Variants in ARSB observed in about 807,000 individuals in gnomAD.
ARSB encodes the protein N-acetylgalactosamine-4-sulfatase.
A neutral mutation model predicts 50.9 loss-of-function variants in ARSB; 41 were observed. The ratio of observed to expected loss-of-function variants is 0.81; its 90% confidence interval spans 0.63 to 1.04. ARSB has a LOEUF of 1.04. ARSB is among the 50% of genes least tolerant of loss of function. ARSB has a pLI of 0.00. For missense variants in ARSB, 672 were observed against 693.3 expected, an observed-to-expected ratio of 0.97 and a Z score of 0.35; for synonymous variants, 269 against 284.8, an observed-to-expected ratio of 0.94 and a Z score of 0.56.
chr5:78,911,570 TCTAAAAAAAAAAAAAA>T (rs1749307943), intron 4 of ARSB, among the ~76,000 whole-genome samples: 1 of 51,838 alleles, frequency 1.9e-5, no homozygotes, highest in East Asian at 6.1e-4. Flanking sequence ...TGAGACTCCC[TCTAAAAAAAAAAAAAA>T]AAAAAAAAAA....
chr5:78,780,568 A>G lies in ARSB; in HGVS notation c.1431T>C (p.Ile477=). The G allele has an allele frequency of 6.2e-7, 1 of 1,614,118 alleles. No homozygotes were observed. The highest frequency in any genetic ancestry group is 8.5e-7 in the Non-Finnish European group (1 of 1,180,002). The change falls in exon 8 of 8, where the codon ATT becomes ATC. Residue 477 remains isoleucine (I), a synonymous_variant. Coordinates refer to ENST00000264914, the MANE Select transcript of ARSB (RefSeq NM_000046.5). ...PPTKTLWLFD[I]DRDPEERHDL... The stretch of plus-strand genomic sequence containing the variant: ...CATGTCTTTCTTCAGGGTCCCGATC[A>G]ATATCAAAGAGCCAGAGGGTCTTGG...
chr5:78,934,155 C>T (rs941089547), intron 4 of ARSB, among the ~76,000 whole-genome samples: 5 of 152,170 alleles, frequency 3.3e-5, no homozygotes, highest in African/African-American at 1.2e-4. Flanking sequence ...TAGCCCAATG[C>T]TTACTTTAAT....
At chr5:78,839,598 G>A (rs1377250040) in intron 5 of ARSB, among the ~76,000 whole-genome samples, 172 bp from the exon 6 acceptor site, 3 of 152,150 alleles carry the variant, frequency 2.0e-5, no homozygotes, top group South Asian at 2.1e-4. Context: ...AGCAGTCATC[G>A]TTTGTTTACA....
At chr5:78,814,543 T>C (rs1743922318) in intron 6 of ARSB, among the ~76,000 whole-genome samples, 1 of 150,908 alleles carries the variant, frequency 6.6e-6, no homozygotes, top group South Asian at 2.1e-4. Context: ...ACTCTTTTTT[T>C]TGAAGTCTTC....
At chr5:78,922,660 T>C (rs867707934) in intron 4 of ARSB, among the ~76,000 whole-genome samples, 16 of 150,544 alleles carry the variant, frequency 1.1e-4, no homozygotes, top group Non-Finnish European at 2.1e-4. Flanking sequence ...GTCTTCTGCT[T>C]GAGAAAAGGA....
At chr5:78,904,580 A>G (rs1580032413) in intron 4 of ARSB, among the ~76,000 whole-genome samples, 1 of 151,892 alleles carries the variant, frequency 6.6e-6, no homozygotes, top group Admixed American at 6.5e-5. Flanking sequence ...CTCTAATGAC[A>G]TAAATGCTAG....
At chr5:78,811,633 C>T (rs987910012) in intron 6 of ARSB, among the ~76,000 whole-genome samples, 5 of 152,168 alleles carry the variant, frequency 3.3e-5, no homozygotes, top group Admixed American at 1.3e-4. Context: ...TGAATTGTAG[C>T]GGCTCAACAT....
chr5:78,872,628 G>T (rs1747262655), intron 5 of ARSB, among the ~76,000 whole-genome samples: 1 of 141,292 alleles, frequency 7.1e-6, no homozygotes, highest in Non-Finnish European at 1.5e-5. Flanking sequence ...AGATCACATG[G>T]ACACAGGAAG....
intron 2 of ARSB, among the ~76,000 whole-genome samples, chr5:78,966,485 T>C (rs1475283078): frequency 6.6e-6 from 1 of 152,218 alleles, no homozygotes; most frequent in Non-Finnish European, 1.5e-5. Flanking sequence ...CATTGGTTTC[T>C]AGTGTATTCA....
chr5:78,954,382 A>T (rs1227765545), intron 4 of ARSB, among the ~76,000 whole-genome samples: 1 of 152,232 alleles, frequency 6.6e-6, no homozygotes, highest in Admixed American at 6.5e-5. Flanking sequence ...CATGTAACAG[A>T]TTAGGAAACA....
At chr5:78,863,684 C>G (rs886478765) in intron 5 of ARSB, among the ~76,000 whole-genome samples, 3 of 151,916 alleles carry the variant, frequency 2.0e-5, no homozygotes, top group South Asian at 2.1e-4. Flanking sequence ...TGCAGGACAC[C>G]AACATGGCAC....
chr5:78,890,253 T>C lies in ARSB; in HGVS notation c.899-4426A>G, dbSNP rs868443119. ...ATTCTGATATTCTCAAATCTTATCT[T>C]TTTTTTTTTTTTTTTGAGACAAAGT... On this transcript the variant is annotated intron_variant, in intron 4 of 7. Transcript: ENST00000264914. Among the ~76,000 whole-genome samples, 309 of 34,980 alleles carry C rather than the reference T, an allele frequency of 8.8e-3. 3 individuals carry two copies. The East Asian group carries it at 0.11, about 13-fold the overall frequency. The allele number at this position is 34,980 out of a possible 152,430, so 22.9% of individuals were successfully genotyped here. A position where few individuals can be genotyped will look rare whatever the true frequency, so the allele number is the denominator to read the frequency against.
At chr5:78,909,005 C>G (rs575869905) in intron 4 of ARSB, among the ~76,000 whole-genome samples, 1 of 152,288 alleles carries the variant, frequency 6.6e-6, no homozygotes, top group Non-Finnish European at 1.5e-5. Context: ...AGAAACTCCA[C>G]TTGGATCAAG....
intron 2 of ARSB, among the ~76,000 whole-genome samples, chr5:78,965,886 A>G (rs1752184766): frequency 4.6e-5 from 7 of 152,244 alleles, no homozygotes; most frequent in Admixed American, 4.6e-4. Flanking sequence ...TTGGTCTTAA[A>G]ATAACTTTTA....
At chr5:78,817,962 A>G (rs1744064170) in intron 6 of ARSB, among the ~76,000 whole-genome samples, 1 of 152,210 alleles carries the variant, frequency 6.6e-6, no homozygotes, top group Non-Finnish European at 1.5e-5. Context: ...CCTGGCCAAC[A>G]TGGTAAATCC....
intron 4 of ARSB, among the ~76,000 whole-genome samples, chr5:78,905,344 G>GTTTTTTTTTTTTTTTTTTTTTTTTTTT (rs60622885): frequency 5.4e-5 from 7 of 130,544 alleles, no homozygotes; most frequent in East Asian, 2.5e-4. Context: ...GTATTTTCCT[G>GTTTTTTTTTTTTTTTTTTTTTTTTTTT]TTTTTTTTTT....
intron 5 of ARSB, among the ~76,000 whole-genome samples, chr5:78,858,583 A>T (rs1746270725): frequency 6.6e-6 from 1 of 152,240 alleles, no homozygotes; most frequent in Non-Finnish European, 1.5e-5. Context: ...ATGGTATTAC[A>T]TTCCATACTT....
intron 1 of ARSB, among the ~76,000 whole-genome samples, chr5:78,980,643 GAA>G (rs1389671326): frequency 1.3e-5 from 2 of 151,964 alleles, no homozygotes; most frequent in African/African-American, 2.4e-5. Flanking sequence ...CATTCATACA[GAA>G]AAAAGAGAGA....
At chr5:78,872,929 C>T (rs1029533287) in intron 5 of ARSB, among the ~76,000 whole-genome samples, 3 of 152,020 alleles carry the variant, frequency 2.0e-5, no homozygotes, top group African/African-American at 7.2e-5. Flanking sequence ...CCAAATCCCA[C>T]TCCTACGGAT....
Sources: gnomAD v4.1 joint callset for allele counts (sites outside exome capture counted in the v4.1 genomes callset) on GRCh38, gnomAD v4.1.1 for gene constraint, MANE v1.5 for transcripts, NCBI Gene and HGNC (gene_info 2026-07-23, HGNC 2026-07-21) for gene names.